OPTC: variants seen among roughly 807,000 people sequenced by gnomAD.
OPTC encodes opticin.
OPTC carries 22 observed loss-of-function variants against 25.4 expected under a neutral mutation model. The observed-to-expected ratio is 0.87, with a 90% CI of 0.62 to 1.24. OPTC has a LOEUF of 1.24. Ranked by LOEUF, OPTC falls within the 50% of genes most tolerant of loss-of-function variation. The pLI is 0.00. For synonymous variants in OPTC, 169 were observed against 179.3 expected (o/e 0.94, Z 0.46); for missense variants, 417 against 425.2 (o/e 0.98, Z 0.17).
At chr1:203,500,182 A>ACTG (rs1183075239) in intron 5 of OPTC, among the ~76,000 whole-genome samples, 1 of 762 alleles carries the variant, frequency 1.3e-3, no homozygotes, top group African/African-American at 7.8e-3. Flanking sequence ...CACCACCACC[A>ACTG]CCACCACCAC....
chr1:203,498,982 A>C (rs1661323941), intron 4 of OPTC, 143 bp downstream of exon 4: 1 of 905,320 alleles, frequency 1.1e-6, no homozygotes, highest in Middle Eastern at 3.1e-4. Flanking sequence ...TCAAAGGGAA[A>C]TAGCCCGAAG....
intron 7 of OPTC, among the ~76,000 whole-genome samples, chr1:203,503,974 G>A (rs1661436463): frequency 6.6e-6 from 1 of 152,110 alleles, no homozygotes; most frequent in African/African-American, 2.4e-5. Context: ...ATGGCTCCTG[G>A]CTCAGAAAAT....
Position 203,499,698 on chromosome 1 carries a change from T to C in OPTC, c.579T>C (p.Asp193=), listed in dbSNP as rs1244481599. The change falls in exon 5 of 8, where the codon GAT becomes GAC. Residue 193 remains aspartate, a synonymous_variant. Coordinates refer to ENST00000367222, the MANE Select transcript of OPTC (RefSeq NM_014359.4). The stretch of plus-strand genomic sequence containing the variant: ...CCAACAACCTCATTTCCTCCATCGA[T>C]AATGATGCCTTCCGCCTGCTACATG... ...DLSNNLISSI[D]NDAFRLLHAL... is the part of the protein sequence containing the mutation. The C allele has an allele frequency of 3.1e-5, 50 of 1,613,494 alleles. No homozygotes were observed. Among genetic ancestry groups the C allele is most frequent in the Non-Finnish European group, 4.2e-5 (50 of 1,179,948 alleles).
In OPTC at chr1:203,501,579, C is replaced by T. The variant is rs187015426; in HGVS notation, c.733-1335C>T. On this transcript the variant is annotated intron_variant, in intron 5 of 7. Coordinates refer to ENST00000367222, the MANE Select transcript of OPTC (RefSeq NM_014359.4). ...GTCTCTCAAGTAGTAGAATCTTTTA[C>T]GCAATCTAATTCCTATTTAGAAGCA... Among the ~76,000 whole-genome samples, 14 of 152,298 alleles carry T rather than the reference C, an allele frequency of 9.2e-5. No individual in the cohort carries two copies. In the East Asian group the frequency reaches 1.2e-3, roughly 13 times the overall value.
intron 3 of OPTC, among the ~76,000 whole-genome samples, chr1:203,497,876 C>A (rs1399971013): frequency 2.0e-5 from 3 of 152,166 alleles, no homozygotes; most frequent in Non-Finnish European, 2.9e-5. Context: ...GATGCTGGGG[C>A]CCCTCTGCTC....
chr1:203,496,948 C>T (rs1486533903), intron 2 of OPTC, 29 bp from the exon 3 acceptor site: 6 of 1,613,748 alleles, frequency 3.7e-6, no homozygotes, highest in Middle Eastern at 3.3e-4. Flanking sequence ...AAAAGCTGGG[C>T]TACTGTGTAC....
intron 7 of OPTC, among the ~76,000 whole-genome samples, chr1:203,507,030 G>T (rs1388579374): frequency 6.6e-6 from 1 of 152,214 alleles, no homozygotes; most frequent in Non-Finnish European, 1.5e-5. Flanking sequence ...GAATGCCCTT[G>T]TTGTCTGTCT....
chr1:203,501,170 G>A (rs77493087), intron 5 of OPTC, among the ~76,000 whole-genome samples: 12,862 of 152,100 alleles, frequency 0.085, 724 homozygotes, highest in East Asian at 0.19. Flanking sequence ...GCATGATCTC[G>A]GCTCACTGCA....
intron 3 of OPTC, among the ~76,000 whole-genome samples, chr1:203,497,328 C>T (rs183302068): frequency 6.6e-6 from 1 of 152,254 alleles, no homozygotes; most frequent in African/African-American, 2.4e-5. Context: ...AATACTTTTG[C>T]CTGAATGTAC....
intron 6 of OPTC, 120 bp from the exon 7 acceptor site, chr1:203,503,430 T>G: frequency 9.7e-7 from 1 of 1,030,142 alleles, no homozygotes; most frequent in Non-Finnish European, 1.5e-6. Context: ...CCTAGATGCT[T>G]CAGTTTCTCC....
intron 7 of OPTC, among the ~76,000 whole-genome samples, chr1:203,506,552 G>A (rs950381921): frequency 4.6e-5 from 7 of 151,904 alleles, no homozygotes; most frequent in Non-Finnish European, 7.4e-5. Flanking sequence ...CATGCCTCTC[G>A]GTTACTCTTT....
chr1:203,499,918 A>G, intron 5 of OPTC, 67 bp downstream of exon 5: 1 of 1,311,222 alleles, frequency 7.6e-7, no homozygotes, highest in Non-Finnish European at 1.1e-6. Context: ...ACCCACCTCC[A>G]CCACCTACCT....
At chr1:203,503,488 T>C in intron 6 of OPTC, 62 bp from the exon 7 acceptor site, 3 of 1,547,188 alleles carry the variant, frequency 1.9e-6, no homozygotes, top group South Asian at 2.2e-5. Context: ...GATGTGAGCC[T>C]TTGGTGCTGC....
At chr1:203,505,271 C>T (rs1030418910) in intron 7 of OPTC, among the ~76,000 whole-genome samples, 3 of 152,184 alleles carry the variant, frequency 2.0e-5, no homozygotes, top group Non-Finnish European at 2.9e-5. Flanking sequence ...ACACCAATAA[C>T]CATGCTATTC....
rs1661266411 is a variant in OPTC at position 203,495,734 on chromosome 1, A to C, written c.-41-231A>C. ...GCACATGCCTCTGTGAGTGAATATC[A>C]GTGTTTGGGTGAGCGTGTAAAAACA... On this transcript the variant is annotated intron_variant, in intron 1 of 7. Coordinates refer to ENST00000367222, the MANE Select transcript of OPTC (RefSeq NM_014359.4). Among the ~76,000 whole-genome samples the C allele has an allele frequency of 2.6e-5, 4 of 152,030 alleles. No individual in the cohort carries two copies. The South Asian group carries it at 6.2e-4, about 24-fold the overall frequency.
chr1:203,503,185 C>A (rs996680956), intron 6 of OPTC, among the ~76,000 whole-genome samples, 176 bp downstream of exon 6: 1 of 152,162 alleles, frequency 6.6e-6, no homozygotes, highest in Non-Finnish European at 1.5e-5. Context: ...TTGTCCATGA[C>A]CCCAGTTTGA....
intron 7 of OPTC, among the ~76,000 whole-genome samples, chr1:203,508,021 T>G (rs537771233): frequency 1.3e-5 from 2 of 152,324 alleles, no homozygotes; most frequent in Non-Finnish European, 2.9e-5. Flanking sequence ...CTAACAACTC[T>G]GTGAGGAAGG....
intron 5 of OPTC, among the ~76,000 whole-genome samples, chr1:203,500,487 A>C (rs1246388559): frequency 7.1e-6 from 1 of 140,880 alleles, no homozygotes; most frequent in Non-Finnish European, 1.5e-5. Context: ...TGCACTACCC[A>C]CCTGTACCAC....
rs1368927651 is a variant in OPTC at position 203,496,033 on chromosome 1, C to T, written c.28C>T (p.Leu10=). The change falls in exon 2 of 8, where the codon CTG becomes TTG. Residue 10 remains leucine (L), a synonymous_variant. Coordinates refer to ENST00000367222, the MANE Select transcript of OPTC (RefSeq NM_014359.4). MRLLAFLSL[L]ALVLQETGTA... is the part of the protein sequence containing the mutation. ...GAGGCTCCTGGCTTTCCTGAGTCTG[C>T]TGGCCTTGGTGCTGCAGGAGACAGG... The T allele has an allele frequency of 6.2e-7, 1 of 1,613,390 alleles. No individual in the cohort carries two copies. Among genetic ancestry groups the T allele is most frequent in the Non-Finnish European group, 8.5e-7 (1 of 1,179,772 alleles).
Sources: allele counts gnomAD v4.1 joint callset (sites outside exome capture counted in the v4.1 genomes callset), GRCh38; gene constraint gnomAD v4.1.1; transcripts MANE v1.5; gene names NCBI Gene and HGNC (gene_info 2026-07-23, HGNC 2026-07-21).